Variants in SLAIN1 observed in about 807,000 individuals in gnomAD.
SLAIN1 encodes SLAIN motif-containing protein 1.
A neutral mutation model predicts 55.4 loss-of-function variants in SLAIN1; 17 were observed. The observed-to-expected ratio is 0.31, with a 90% CI of 0.21 to 0.46. The LOEUF is 0.46. Among genes scored for constraint, SLAIN1 ranks in the 20% least tolerant of loss-of-function variants. SLAIN1 has a pLI of 1.00. For missense variants in SLAIN1, 682 were observed against 785.1 expected, an observed-to-expected ratio of 0.87 and a Z score of 1.57; for synonymous variants, 348 against 337.4, an observed-to-expected ratio of 1.03 and a Z score of -0.35.
chr13:77,741,159 T>G, intron 2 of SLAIN1: 3 of 985,404 alleles, frequency 3.0e-6, no homozygotes, highest in Non-Finnish European at 3.6e-6. Context: ...ACGCAGTTAC[T>G]GTAATTTGCC....
At chr13:77,709,765 A>G (rs1441585138) in intron 1 of SLAIN1, among the ~76,000 whole-genome samples, 1 of 151,518 alleles carries the variant, frequency 6.6e-6, no homozygotes, top group African/African-American at 2.4e-5. Context: ...CACTAAATAT[A>G]TTGTTGTTGT....
intron 5 of SLAIN1, among the ~76,000 whole-genome samples, chr13:77,758,628 T>C (rs1216937081): frequency 6.6e-6 from 1 of 152,210 alleles, no homozygotes; most frequent in Non-Finnish European, 1.5e-5. Context: ...GTATTCAGTT[T>C]CATTCTTCTA....
At chr13:77,736,306 A>G (rs1422979097) in intron 2 of SLAIN1, among the ~76,000 whole-genome samples, 1 of 151,940 alleles carries the variant, frequency 6.6e-6, no homozygotes, top group Middle Eastern at 3.2e-3. Flanking sequence ...CATTCTCTGT[A>G]TTCTGTCTTT....
Position 77,735,991 on chromosome 13 carries a change from C to T in SLAIN1, c.767-8292C>T, listed in dbSNP as rs59264740. Among the ~76,000 whole-genome samples, 1,056 of 152,048 alleles carry T rather than the reference C, an allele frequency of 6.9e-3. 12 individuals are homozygous for T. The highest frequency in any genetic ancestry group is 0.024 in the African/African-American group (1,015 of 41,474). ...TATTTTGACAACAATATGACTCTCA[C>T]ACAGCCACTCTCAACCTGAACCTGT... On this transcript the variant is annotated intron_variant, in intron 2 of 6. Coordinates refer to ENST00000418532, the MANE Select transcript of SLAIN1 (RefSeq NM_001242868.2).
At chr13:77,753,124 T>C in intron 4 of SLAIN1, 79 bp from the exon 5 acceptor site, 2 of 1,301,422 alleles carry the variant, frequency 1.5e-6, no homozygotes, top group South Asian at 3.3e-5. Context: ...ACAATATGAC[T>C]TTTGTTATTT....
intron 2 of SLAIN1, among the ~76,000 whole-genome samples, chr13:77,733,584 A>G (rs145261491): frequency 1.1e-4 from 17 of 152,320 alleles, no homozygotes; most frequent in African/African-American, 3.8e-4. Context: ...AAATTTGAAG[A>G]CTGTGAGACT....
intron 5 of SLAIN1, among the ~76,000 whole-genome samples, chr13:77,756,150 C>T (rs908353124): frequency 1.3e-5 from 2 of 151,992 alleles, no homozygotes; most frequent in African/African-American, 4.8e-5. Context: ...TTAATTCTAA[C>T]TAGTTTCTCT....
At chr13:77,708,791 C>T (rs973722382) in intron 1 of SLAIN1, among the ~76,000 whole-genome samples, 1 of 152,098 alleles carries the variant, frequency 6.6e-6, no homozygotes, top group Non-Finnish European at 1.5e-5. Context: ...GTAGATAAAT[C>T]CACGAAGATG....
At chr13:77,701,549 G>A (rs1401114864) in intron 1 of SLAIN1, among the ~76,000 whole-genome samples, 3 of 151,898 alleles carry the variant, frequency 2.0e-5, no homozygotes, top group African/African-American at 7.3e-5. Context: ...AGAATGGAGT[G>A]TTATGCTCTC....
intron 2 of SLAIN1, among the ~76,000 whole-genome samples, chr13:77,740,799 T>G (rs1426069046): frequency 6.6e-6 from 1 of 152,104 alleles, no homozygotes; most frequent in Non-Finnish European, 1.5e-5. Flanking sequence ...AAGTGCTTCC[T>G]GTTACAATTC....
chr13:77,735,368 A>G (rs1371131012), intron 2 of SLAIN1, among the ~76,000 whole-genome samples: 2 of 152,114 alleles, frequency 1.3e-5, no homozygotes, highest in African/African-American at 2.4e-5. Context: ...GTGAAGAAGT[A>G]TCCTGTCAGC....
chr13:77,721,507 AT>A (rs1251816302), intron 2 of SLAIN1, among the ~76,000 whole-genome samples: 1 of 152,168 alleles, frequency 6.6e-6, no homozygotes, highest in African/African-American at 2.4e-5. Context: ...TTATATCTAC[AT>A]TTTAACATAC....
intron 2 of SLAIN1, chr13:77,741,437 C>T (rs1176023667): frequency 2.0e-6 from 2 of 987,240 alleles, no homozygotes; most frequent in Non-Finnish European, 2.4e-6. Flanking sequence ...GCTGCTTAAC[C>T]ACTGTAAGTT....
chr13:77,734,296 C>T (rs539492401), intron 2 of SLAIN1, among the ~76,000 whole-genome samples: 5 of 152,192 alleles, frequency 3.3e-5, no homozygotes, highest in African/African-American at 1.2e-4. Context: ...TTTACCTTCA[C>T]TGATCTTAGG....
chr13:77,743,925 TATA>T (rs1393770219), intron 2 of SLAIN1, among the ~76,000 whole-genome samples: 10 of 152,152 alleles, frequency 6.6e-5, no homozygotes, highest in Admixed American at 3.9e-4. Flanking sequence ...TATATATTCT[TATA>T]ATATCATGCC....
At chr13:77,719,738 G>A in intron 2 of SLAIN1, 67 bp downstream of exon 2, 1 of 1,545,676 alleles carries the variant, frequency 6.5e-7, no homozygotes, top group Non-Finnish European at 8.8e-7. Flanking sequence ...TTTGTTGCTG[G>A]TTTTGGAATA....
intron 4 of SLAIN1, among the ~76,000 whole-genome samples, chr13:77,752,582 C>T (rs1356244317): frequency 1.3e-5 from 2 of 152,170 alleles, no homozygotes; most frequent in East Asian, 3.9e-4. Context: ...AAGGTGAGGT[C>T]CCATGATAGG....
chr13:77,750,286 C>T (rs1297853105), intron 4 of SLAIN1, among the ~76,000 whole-genome samples: 3 of 152,024 alleles, frequency 2.0e-5, no homozygotes, highest in African/African-American at 7.2e-5. Flanking sequence ...TGTATGAAAA[C>T]TATTATAGTA....
chr13:77,743,749 A>G (rs1873618088), intron 2 of SLAIN1, among the ~76,000 whole-genome samples: 2 of 151,898 alleles, frequency 1.3e-5, no homozygotes, highest in African/African-American at 4.8e-5. Flanking sequence ...TGGGTGTTGT[A>G]TATATTTCTG....
Sources: gnomAD v4.1 joint callset for allele counts (sites outside exome capture counted in the v4.1 genomes callset) on GRCh38, gnomAD v4.1.1 for gene constraint, MANE v1.5 for transcripts, NCBI Gene and HGNC (gene_info 2026-07-23, HGNC 2026-07-21) for gene names.